Variants in POU3F4 observed in about 807,000 individuals in gnomAD.
POU3F4 encodes POU domain, class 3, transcription factor 4.
POU3F4 carries 2 observed loss-of-function variants against 15.2 expected under a neutral mutation model. That is an observed-to-expected ratio of 0.13 (90% CI 0.05 to 0.42). POU3F4 has a LOEUF of 0.42. Among genes scored for constraint, POU3F4 ranks in the 10% least tolerant of loss-of-function variants. POU3F4 has a pLI of 0.99. For synonymous variants in POU3F4, 158 were observed against 133.3 expected (o/e 1.19, Z -1.28); for missense variants, 220 against 297.0 (o/e 0.74, Z 1.91).
chrX:83,509,020 C>G lies in POU3F4; in HGVS notation c.696C>G (p.Ile232Met). 8.2e-7 allele frequency: 1 copy of G among 1,212,350 alleles called. No individual in the cohort carries two copies. The highest frequency in any genetic ancestry group is 1.1e-6 in the Non-Finnish European group (1 of 895,660). The part of the protein sequence containing the change: ...LYGNVFSQTT[I>M]CRFEALQLSF... Reference sequence around the variant, plus strand: ...GTAACGTGTTCTCGCAGACCACCATCTGCAGGTTCGAGGCCTTGCAGCTGA... The same window carrying G: ...GTAACGTGTTCTCGCAGACCACCATGTGCAGGTTCGAGGCCTTGCAGCTGA... Residue 232 changes from isoleucine (I) to methionine (M), a missense_variant, in exon 1 of 1, where the codon ATC (isoleucine) becomes ATG (methionine). Around this residue, in one of 5 missense-constraint regions of POU3F4, gnomAD observed 14 missense variants for 65.2 expected, o/e 0.21. Transcript: ENST00000644024.
At position 83,508,844 on chromosome X, in the gene POU3F4, G is replaced by A. The variant is rs1925842547; in HGVS notation, c.520G>A (p.Glu174Lys). Reference protein sequence around the residue: ...PVLREPPDHGELGSHHCQDHS... With the variant: ...PVLREPPDHGKLGSHHCQDHS... ...GCTCCGAGAGCCCCCGGATCACGGCGAACTGGGCTCGCACCATTGCCAGGA... is the reference window on the plus strand; with the variant it reads ...GCTCCGAGAGCCCCCGGATCACGGCAAACTGGGCTCGCACCATTGCCAGGA... The change falls in exon 1 of 1, where the codon GAA becomes AAA. Residue 174 changes from glutamate (E) to lysine (K), a missense_variant. Physicochemically the swap from Glu to Lys is moderately conservative, Grantham distance 56 (BLOSUM62 1). This residue lies in a region of POU3F4 where 161 missense variants were observed against 154.1 expected (regional missense o/e 1.05). Coordinates refer to ENST00000644024, the MANE Select transcript of POU3F4 (RefSeq NM_000307.5). The A allele has an allele frequency of 8.3e-7, 1 of 1,209,423 alleles. No individual in the cohort carries two copies. Among genetic ancestry groups the A allele is most frequent in the Non-Finnish European group, 1.1e-6 (1 of 894,154 alleles).
Position 83,509,251 on chromosome X carries a change from C to T in POU3F4, c.927C>T (p.Ser309=). The T allele has an allele frequency of 8.3e-7, 1 of 1,211,936 alleles. No individual in the cohort carries two copies. The highest frequency in any genetic ancestry group is 1.1e-6 in the Non-Finnish European group (1 of 895,462). ...CCAAGCCTGCCGCGCAGGAGATCTCCTCGCTGGCAGACAGCCTCCAGTTGG... is the reference window on the plus strand; with the variant it reads ...CCAAGCCTGCCGCGCAGGAGATCTCTTCGCTGGCAGACAGCCTCCAGTTGG... ...KCPKPAAQEI[S]SLADSLQLEK... The change falls in exon 1 of 1, where the codon TCC becomes TCT. Residue 309 remains serine (S), a synonymous_variant. Transcript: ENST00000644024.
At position 83,508,530 on chromosome X, in the gene POU3F4, C is replaced by T; in HGVS notation, c.206C>T (p.Ser69Phe). ...TSLSDGGPWS[S>F]TLATSPLDQQ... is the part of the protein sequence containing the mutation. ...CTGAGCGACGGGGGCCCATGGTCCT[C>T]CACACTGGCCACCAGCCCCCTGGAC... Residue 69 changes from serine to phenylalanine, a missense_variant, in exon 1 of 1, where the codon TCC (serine) becomes TTC (phenylalanine). Transcript: ENST00000644024. 2 of 1,202,671 alleles carry T rather than the reference C, an allele frequency of 1.7e-6. No individual in the cohort carries two copies. Among genetic ancestry groups the T allele is most frequent in the Non-Finnish European group, 2.2e-6 (2 of 890,689 alleles).
rs1405715804 is a variant in POU3F4 at position 83,511,399 on chromosome X, T to G, written c.*1989T>G. 2 of 112,064 alleles carry G rather than the reference T, an allele frequency of 1.8e-5. No individual in the cohort carries two copies. The highest frequency in any genetic ancestry group is 3.8e-5 in the Non-Finnish European group (2 of 53,217). 9.2% of individuals were successfully genotyped at this position (112,064 alleles called of 1,213,427 possible). On this transcript the variant is annotated 3_prime_UTR_variant, in exon 1 of 1. Coordinates refer to ENST00000644024, the MANE Select transcript of POU3F4 (RefSeq NM_000307.5). ...GGCTGGGGGCGCTGCACGCCACTGC[T>G]GGCCGCCTAGTCCGGCCTTTAGGCG... is the stretch of plus-strand genomic sequence containing the variant.
rs764826790 is a variant in POU3F4 at position 83,510,869 on chromosome X, T to C, written c.*1459T>C. Reference sequence around the variant, plus strand: ...TTCTCTGCTCAGTGCAGAACGGCAATGAAATGATTGGCAAAGGTCACAGGG... The same window carrying C: ...TTCTCTGCTCAGTGCAGAACGGCAACGAAATGATTGGCAAAGGTCACAGGG... On this transcript the variant is annotated 3_prime_UTR_variant, in exon 1 of 1. Transcript: ENST00000644024. The C allele has an allele frequency of 2.7e-5, 3 of 109,483 alleles. No individual in the cohort carries two copies. The East Asian group carries it at 8.7e-4, about 32-fold the overall frequency. The allele number at this position is 109,483 out of a possible 1,213,427, so 9.0% of individuals were successfully genotyped here. A position where few individuals can be genotyped will look rare whatever the true frequency, so the allele number is the denominator to read the frequency against.
chrX:83,509,460 C>A lies in POU3F4; in HGVS notation c.*50C>A, dbSNP rs1278988441. On this transcript the variant is annotated 3_prime_UTR_variant, in exon 1 of 1. Transcript: ENST00000644024. ...GCCGCACTGGGAGCAGCGCGGATTT[C>A]TCTTTCTCTCTCACTCTCTTCCTTT... 7 of 1,166,455 alleles carry A rather than the reference C, an allele frequency of 6.0e-6. No individual in the cohort carries two copies. In the East Asian group the frequency reaches 2.2e-4, roughly 37 times the overall value.
At position 83,511,215 on chromosome X, in the gene POU3F4, T is replaced by G; in HGVS notation, c.*1805T>G. On this transcript the variant is annotated 3_prime_UTR_variant, in exon 1 of 1. Coordinates refer to ENST00000644024, the MANE Select transcript of POU3F4 (RefSeq NM_000307.5). ...AAAAGTACAAAAAAAAAAAAAAACC[T>G]GGCTAGGCTGTGTAGAGATCCCAAA... 1 of 100,677 alleles carries G rather than the reference T, an allele frequency of 9.9e-6. No homozygotes were observed. Among genetic ancestry groups the G allele is most frequent in the Admixed American group, 1.1e-4 (1 of 9,257 alleles). 8.3% of individuals were successfully genotyped at this position (100,677 alleles called of 1,213,427 possible). A position where few individuals can be genotyped will look rare whatever the true frequency, so the allele number is the denominator to read the frequency against.
At position 83,510,876 on chromosome X, in the gene POU3F4, AT is replaced by A. The variant is rs1395196306; in HGVS notation, c.*1468del. The stretch of plus-strand genomic sequence containing the variant: ...CTCAGTGCAGAACGGCAATGAAATG[AT>A]TGGCAAAGGTCACAGGGATTCTGGT... On this transcript the variant is annotated 3_prime_UTR_variant, in exon 1 of 1. Transcript: ENST00000644024. 5 of 109,419 alleles carry A rather than the reference AT, an allele frequency of 4.6e-5. No individual in the cohort carries two copies. Among genetic ancestry groups the A allele is most frequent in the Non-Finnish European group, 9.5e-5 (5 of 52,579 alleles). The allele number at this position is 109,419 out of a possible 1,213,427, so 9.0% of individuals were successfully genotyped here. A position where few individuals can be genotyped will look rare whatever the true frequency, so the allele number is the denominator to read the frequency against.
chrX:83,509,509 TTCTC>T lies in POU3F4; in HGVS notation c.*108_*111del. On this transcript the variant is annotated 3_prime_UTR_variant, in exon 1 of 1. Transcript: ENST00000644024. ...TTCATTCTAGTATTCTTTATTATTT[TTCTC>T]TCTCTCTCGTTCGCTCGCTCTCTCG... The T allele has an allele frequency of 7.3e-6, 8 of 1,101,307 alleles. No homozygotes were observed. Among genetic ancestry groups the T allele is most frequent in the Middle Eastern group, 2.9e-4 (1 of 3,427 alleles). The allele number at this position is 1,101,307 out of a possible 1,213,427, so 90.8% of individuals were successfully genotyped here.
rs1448750969 is a variant in POU3F4 at position 83,511,605 on chromosome X, T to C, written c.*2195T>C. The C allele has an allele frequency of 1.8e-5, 2 of 112,646 alleles. No individual in the cohort carries two copies. Among genetic ancestry groups the C allele is most frequent in the Non-Finnish European group, 3.7e-5 (2 of 53,369 alleles). 9.3% of individuals were successfully genotyped at this position (112,646 alleles called of 1,213,427 possible). On this transcript the variant is annotated 3_prime_UTR_variant, in exon 1 of 1. Coordinates refer to ENST00000644024, the MANE Select transcript of POU3F4 (RefSeq NM_000307.5). The stretch of plus-strand genomic sequence containing the variant: ...CCCTTCTACTTTTTTGTCAAGTCTC[T>C]GCATTCTGTTGGTAGTTAGGTTTTA...
Position 83,508,819 on chromosome X carries a change from G to A in POU3F4, c.495G>A (p.Val165=). ...CCTCTGCACAGAGCCTGCACCCGGT[G>A]CTCCGAGAGCCCCCGGATCACGGCG... The part of the protein sequence containing the change: ...AAASAQSLHP[V]LREPPDHGEL... Residue 165 remains valine (V), a synonymous_variant, in exon 1 of 1, where the codon GTG becomes GTA. Transcript: ENST00000644024. The A allele has an allele frequency of 1.7e-6, 2 of 1,206,681 alleles. No individual in the cohort carries two copies. Among genetic ancestry groups the A allele is most frequent in the Non-Finnish European group, 2.2e-6 (2 of 892,707 alleles).
rs1048587489 is a variant in POU3F4, at chrX:83,511,311, C to T, written c.*1901C>T. 5 of 111,660 alleles carry T rather than the reference C, an allele frequency of 4.5e-5. No individual in the cohort carries two copies. The highest frequency in any genetic ancestry group is 1.6e-4 in the African/African-American group (5 of 30,688). 9.2% of individuals were successfully genotyped at this position (111,660 alleles called of 1,213,427 possible). ...CAGGTCCACAGGCGAACCTCATTCC[C>T]AAGGAGCACACACGTGTGAGGCCGG... On this transcript the variant is annotated 3_prime_UTR_variant, in exon 1 of 1. Transcript: ENST00000644024.
chrX:83,509,241 A>T lies in POU3F4; in HGVS notation c.917A>T (p.Gln306Leu). The T allele has an allele frequency of 8.2e-7, 1 of 1,212,127 alleles. No individual in the cohort carries two copies. The highest frequency in any genetic ancestry group is 1.1e-6 in the Non-Finnish European group (1 of 895,513). Reference protein sequence around the residue: ...HFLKCPKPAAQEISSLADSLQ... With the variant: ...HFLKCPKPAALEISSLADSLQ... The stretch of plus-strand genomic sequence containing the variant: ...CTCAAGTGTCCCAAGCCTGCCGCGC[A>T]GGAGATCTCCTCGCTGGCAGACAGC... Residue 306 changes from glutamine to leucine, a missense_variant, in exon 1 of 1, where the codon CAG becomes CTG. Transcript: ENST00000644024.
At position 83,508,390 on chromosome X, in the gene POU3F4, T is replaced by C. The variant is rs1268358939; in HGVS notation, c.66T>C (p.Ser22=). The C allele has an allele frequency of 8.3e-7, 1 of 1,210,763 alleles. No individual in the cohort carries two copies. The highest frequency in any genetic ancestry group is 1.1e-6 in the Non-Finnish European group (1 of 895,341). ...CCACCTCCCTAGTCCATGCGGACTC[T>C]GCGGGCATGCAGCAGGGGAGTCCTT... The part of the protein sequence containing the change: ...LSSTSLVHAD[S]AGMQQGSPFR... Residue 22 remains serine, a synonymous_variant, in exon 1 of 1, where the codon TCT becomes TCC. Transcript: ENST00000644024.
At position 83,509,154 on chromosome X, in the gene POU3F4, G is replaced by T. The variant is rs1393044687; in HGVS notation, c.830G>T (p.Arg277Leu). ...TSIDKIAAQG[R>L]KRKKRTSIEV... is the part of the protein sequence containing the mutation. The stretch of plus-strand genomic sequence containing the variant: ...ATTGACAAGATCGCTGCACAGGGCC[G>T]CAAGCGCAAGAAGCGGACCTCCATC... The change falls in exon 1 of 1, where the codon CGC (arginine) becomes CTC (leucine). Residue 277 changes from arginine to leucine, a missense_variant. Physicochemically the swap from Arg to Leu is moderately radical, Grantham distance 102. This residue lies in a region of POU3F4 where 25 missense variants were observed against 36.7 expected (regional missense o/e 0.68). Transcript: ENST00000644024. The T allele has an allele frequency of 1.7e-6, 2 of 1,209,791 alleles. No individual in the cohort carries two copies. Among genetic ancestry groups the T allele is most frequent in the African/African-American group, 1.7e-5 (1 of 57,250 alleles).
At position 83,510,961 on chromosome X, in the gene POU3F4, G is replaced by T; in HGVS notation, c.*1551G>T. 1 of 109,537 alleles carries T rather than the reference G, an allele frequency of 9.1e-6. No individual in the cohort carries two copies. Among genetic ancestry groups the T allele is most frequent in the Non-Finnish European group, 1.9e-5 (1 of 52,379 alleles). 9.0% of individuals were successfully genotyped at this position (109,537 alleles called of 1,213,427 possible). A position where few individuals can be genotyped will look rare whatever the true frequency, so the allele number is the denominator to read the frequency against. On this transcript the variant is annotated 3_prime_UTR_variant, in exon 1 of 1. Transcript: ENST00000644024. ...ACCGCTGTCTGTGTGTGGGCTCGTG[G>T]GGAGCTGTCTCGGCGTTTCTGATAA...
In POU3F4 at chrX:83,509,362, G is replaced by A. The variant is rs1420525880; in HGVS notation, c.1038G>A (p.Glu346=). The change falls in exon 1 of 1, where the codon GAG becomes GAA. Residue 346 remains glutamate (E), a synonymous_variant. Coordinates refer to ENST00000644024, the MANE Select transcript of POU3F4 (RefSeq NM_000307.5). ...MTPPGDQQPH[E]VYSHTVKTDT... The stretch of plus-strand genomic sequence containing the variant: ...CGCCAGGGGATCAGCAGCCGCATGA[G>A]GTTTATTCGCACACCGTGAAAACAG... 8.3e-6 allele frequency: 10 copies of A among 1,206,595 alleles called. No individual in the cohort carries two copies. Among genetic ancestry groups the A allele is most frequent in the Admixed American group, 2.2e-5 (1 of 45,499 alleles).
In POU3F4 at chrX:83,508,749, G is replaced by C; in HGVS notation, c.425G>C (p.Ser142Thr). The stretch of plus-strand genomic sequence containing the variant: ...TACTCGCAGCCTGGCTTCACCGTGA[G>C]CGGCATGCTGGAACACGGGGGACTC... ...NVYSQPGFTV[S>T]GMLEHGGLTP... Residue 142 changes from serine (S) to threonine (T), a missense_variant, in exon 1 of 1, where the codon AGC (serine) becomes ACC (threonine). Ser to Thr is a moderately conservative substitution (Grantham distance 58, BLOSUM62 1). Around this residue, in one of 5 missense-constraint regions of POU3F4, gnomAD observed 161 missense variants for 154.1 expected, o/e 1.05. Coordinates refer to ENST00000644024, the MANE Select transcript of POU3F4 (RefSeq NM_000307.5). 2.5e-6 allele frequency: 3 copies of C among 1,207,134 alleles called. No homozygotes were observed. The South Asian group carries it at 5.3e-5, about 22-fold the overall frequency.
chrX:83,509,008 G>A lies in POU3F4; in HGVS notation c.684G>A (p.Ser228=), dbSNP rs1467436175. 9 of 1,210,818 alleles carry A rather than the reference G, an allele frequency of 7.4e-6. No individual in the cohort carries two copies. Among genetic ancestry groups the A allele is most frequent in the Non-Finnish European group, 8.9e-6 (8 of 895,410 alleles). ...GCACACTGTATGGTAACGTGTTCTC[G>A]CAGACCACCATCTGCAGGTTCGAGG... ...ALGTLYGNVF[S]QTTICRFEAL... The change falls in exon 1 of 1, where the codon TCG becomes TCA. Residue 228 remains serine (S), a synonymous_variant. Coordinates refer to ENST00000644024, the MANE Select transcript of POU3F4 (RefSeq NM_000307.5).
Sources: gnomAD v4.1 joint callset for allele counts on GRCh38, gnomAD v4.1.1 for gene constraint, gnomAD v4.1.1 regional missense constraint, MANE v1.5 for transcripts, NCBI Gene and HGNC (gene_info 2026-07-23, HGNC 2026-07-21) for gene names.